KCNT2: variants seen among roughly 807,000 people sequenced by gnomAD.
The protein encoded by KCNT2 is potassium sodium-activated channel subfamily T member 2, also known as potassium channel subfamily T member 2.
KCNT2 carries 67 observed loss-of-function variants against 153.8 expected under a neutral mutation model. That is an observed-to-expected ratio of 0.44 (90% CI 0.36 to 0.53). The LOEUF (loss-of-function observed/expected upper bound fraction) is 0.53. Among genes scored for constraint, KCNT2 ranks in the 20% least tolerant of loss-of-function variants. The probability of loss-of-function intolerance (pLI) is 0.00; values close to 1 mark genes in which losing one functional copy is unlikely to be tolerated. For synonymous variants in KCNT2, 500 were observed against 458.8 expected (o/e 1.09, Z -1.15); for missense variants, 975 against 1,354.8 (o/e 0.72, Z 4.40).
At chr1:196,552,044 A>C (rs765024415) in intron 1 of KCNT2, among the ~76,000 whole-genome samples, 1 of 151,552 alleles carries the variant, frequency 6.6e-6, no homozygotes, top group Non-Finnish European at 1.5e-5. Flanking sequence ...AGTGAACCTC[A>C]AACTCTTGCC....
chr1:196,281,887 C>G (rs2147872105), intron 24 of KCNT2, among the ~76,000 whole-genome samples: 1 of 151,604 alleles, frequency 6.6e-6, no homozygotes, highest in African/African-American at 2.4e-5. Context: ...GTAGCTGGGA[C>G]TACAGGGGCC....
At chr1:196,286,569 C>A (rs145605231) in intron 22 of KCNT2, among the ~76,000 whole-genome samples, 29 of 151,970 alleles carry the variant, frequency 1.9e-4, no homozygotes, top group African/African-American at 6.8e-4. Context: ...CTCCACCTAA[C>A]TGATAAATTG....
At chr1:196,428,796 G>A (rs866410052) in intron 9 of KCNT2, among the ~76,000 whole-genome samples, 1 of 151,980 alleles carries the variant, frequency 6.6e-6, no homozygotes, top group African/African-American at 2.4e-5. Flanking sequence ...GATACATTGC[G>A]GCCAAAGTTT....
intron 8 of KCNT2, among the ~76,000 whole-genome samples, chr1:196,447,781 C>T (rs576609900): frequency 6.8e-6 from 1 of 146,960 alleles, no homozygotes; most frequent in South Asian, 2.2e-4. Context: ...TCTGGAAAGA[C>T]AGAAGAATTA....
At chr1:196,396,559 G>A (rs1670953645) in intron 13 of KCNT2, among the ~76,000 whole-genome samples, 1 of 151,094 alleles carries the variant, frequency 6.6e-6, no homozygotes, top group East Asian at 1.9e-4. Flanking sequence ...GTATTGTTTT[G>A]AGAGCTTCAT....
At chr1:196,388,922 T>C (rs1387369727) in intron 13 of KCNT2, among the ~76,000 whole-genome samples, 1 of 151,776 alleles carries the variant, frequency 6.6e-6, no homozygotes, top group African/African-American at 2.4e-5. Context: ...ACAGTGTGAA[T>C]AGAAGTAGAG....
intron 8 of KCNT2, among the ~76,000 whole-genome samples, chr1:196,451,407 A>AC (rs1491122191): frequency 1.3e-3 from 82 of 62,872 alleles, no homozygotes; most frequent in Non-Finnish European, 2.0e-3. Context: ...CACCCAACAC[A>AC]TTTTTTTTTT....
intron 1 of KCNT2, among the ~76,000 whole-genome samples, chr1:196,592,348 G>T (rs971704449): frequency 2.2e-4 from 33 of 151,348 alleles, no homozygotes; most frequent in African/African-American, 8.0e-4. Flanking sequence ...TTTAATAGAG[G>T]CTGGGAGGAT....
intron 14 of KCNT2, among the ~76,000 whole-genome samples, chr1:196,359,096 T>C (rs1667411988): frequency 6.6e-6 from 1 of 152,020 alleles, no homozygotes; most frequent in Non-Finnish European, 1.5e-5. Flanking sequence ...ATGATAAATG[T>C]CTAGCCAGAC....
chr1:196,570,179 C>T (rs183174526), intron 1 of KCNT2, among the ~76,000 whole-genome samples: 1 of 151,072 alleles, frequency 6.6e-6, no homozygotes, highest in Non-Finnish European at 1.5e-5. Context: ...CTAAAAGCAA[C>T]CAAAAACAGT....
chr1:196,371,497 T>C (rs188525856), intron 14 of KCNT2, among the ~76,000 whole-genome samples: 4 of 152,196 alleles, frequency 2.6e-5, no homozygotes, highest in African/African-American at 9.6e-5. Flanking sequence ...AATTGTATAG[T>C]ATGTAAGTTT....
rs140137807 is a variant in KCNT2, at chr1:196,470,418, C to T, written c.385-1350G>A. Reference sequence around the variant, plus strand: ...AGATATAAACCCTAAAGAATGGAACCTATGGTCATTTAAAAATGGTTTACA... The same window carrying T: ...AGATATAAACCCTAAAGAATGGAACTTATGGTCATTTAAAAATGGTTTACA... On this transcript the variant is annotated intron_variant, in intron 5 of 27. Transcript: ENST00000294725. 1.1e-3 allele frequency among the ~76,000 whole-genome samples: 170 copies of T among 152,292 alleles called. 1 individual carries two copies. In the South Asian group the frequency reaches 0.012, roughly 11 times the overall value.
chr1:196,309,857 A>C (rs1229454844), intron 21 of KCNT2, among the ~76,000 whole-genome samples: 1 of 151,820 alleles, frequency 6.6e-6, no homozygotes, highest in African/African-American at 2.4e-5. Flanking sequence ...TAGAAACATA[A>C]TAGAGCAATA....
At chr1:196,353,689 A>T (rs1300804858) in intron 14 of KCNT2, among the ~76,000 whole-genome samples, 1 of 152,020 alleles carries the variant, frequency 6.6e-6, no homozygotes, top group Non-Finnish European at 1.5e-5. Context: ...TGGCAGAAAG[A>T]ATTAACTCAC....
Position 196,476,472 on chromosome 1 carries a change from C to G in KCNT2, c.384+2707G>C, listed in dbSNP as rs1572580978. Among the ~76,000 whole-genome samples, 3 of 152,122 alleles carry G rather than the reference C, an allele frequency of 2.0e-5. No individual in the cohort carries two copies. In the South Asian group the frequency reaches 6.2e-4, roughly 32 times the overall value. On this transcript the variant is annotated intron_variant, in intron 5 of 27. Transcript: ENST00000294725. ...GCACCTATTTTGACAAGGAGATATA[C>G]TAATACACCCTTAAAAGACCCTTCT... is the stretch of plus-strand genomic sequence containing the variant.
chr1:196,555,879 G>A (rs1658586367), intron 1 of KCNT2, among the ~76,000 whole-genome samples: 1 of 151,184 alleles, frequency 6.6e-6, no homozygotes, highest in African/African-American at 2.4e-5. Context: ...TTTGACAAAT[G>A]TGTCAAAACT....
intron 25 of KCNT2, among the ~76,000 whole-genome samples, chr1:196,275,894 A>C (rs1658522311): frequency 6.6e-6 from 1 of 152,026 alleles, no homozygotes; most frequent in African/African-American, 2.4e-5. Context: ...TACATCTGTT[A>C]GTGCTTTTTA....
rs1343488996 is a variant in KCNT2, at chr1:196,448,552, C to A, written c.638+16741G>T. Among the ~76,000 whole-genome samples, 3 of 151,538 alleles carry A rather than the reference C, an allele frequency of 2.0e-5. No individual in the cohort carries two copies. In the East Asian group the frequency reaches 5.9e-4, roughly 30 times the overall value. ...TGCCCTCTACTGTGTGGCCTGGAAG[C>A]TTTTTATAATGTTTATACAATGTTT... On this transcript the variant is annotated intron_variant, in intron 8 of 27. Coordinates refer to ENST00000294725, the MANE Select transcript of KCNT2 (RefSeq NM_198503.5).
intron 14 of KCNT2, among the ~76,000 whole-genome samples, chr1:196,368,569 G>T (rs1668236397): frequency 6.6e-6 from 1 of 152,082 alleles, no homozygotes; most frequent in African/African-American, 2.4e-5. Context: ...TTTTTCAGAA[G>T]TCCTCAGAGA....
Sources: gnomAD v4.1 joint callset for allele counts (sites outside exome capture counted in the v4.1 genomes callset) on GRCh38, gnomAD v4.1.1 for gene constraint, MANE v1.5 for transcripts, NCBI Gene and HGNC (gene_info 2026-07-23, HGNC 2026-07-21) for gene names.